EXT2: variants seen among roughly 807,000 people sequenced by gnomAD.
EXT2 encodes exostosin-2.
A neutral mutation model predicts 81.6 loss-of-function variants in EXT2; 53 were observed. The observed-to-expected ratio is 0.65, with a 90% CI of 0.52 to 0.82. EXT2 has a LOEUF of 0.82. Ranked by LOEUF, EXT2 falls within the 40% of genes least tolerant of loss-of-function variation. The pLI, the probability that EXT2 is intolerant of heterozygous loss-of-function variation, is 0.00. For missense variants in EXT2, 774 were observed against 910.2 expected (o/e 0.85, Z 1.93); for synonymous variants, 320 against 340.0 (o/e 0.94, Z 0.65).
Position 44,250,715 on chromosome 11 carries a change from C to G in EXT2, c.*6428C>G, listed in dbSNP as rs1406262602. ...GAGTCCAGAGAGCGTCCATCCGGTG[C>G]CTGGTGAGGGCCCTGCATGGCTGGC... On this transcript the variant is annotated 3_prime_UTR_variant, in exon 14 of 14. Coordinates refer to ENST00000533608, the MANE Select transcript of EXT2 (RefSeq NM_207122.2). 2.0e-5 allele frequency among the ~76,000 whole-genome samples: 3 copies of G among 152,154 alleles called. No individual in the cohort carries two copies. The East Asian group carries it at 5.8e-4, about 29-fold the overall frequency.
At chr11:44,119,496 C>T (rs1397692712) in intron 4 of EXT2, among the ~76,000 whole-genome samples, 1 of 152,168 alleles carries the variant, frequency 6.6e-6, no homozygotes, top group African/African-American at 2.4e-5. Context: ...GGGAGCTCGT[C>T]AGAGACTTAG....
intron 7 of EXT2, among the ~76,000 whole-genome samples, chr11:44,161,178 T>C (rs1954922688): frequency 6.6e-6 from 1 of 152,232 alleles, no homozygotes; most frequent in African/African-American, 2.4e-5. Context: ...ATAGGTGAGA[T>C]ATGTTAGCAG....
chr11:44,244,103 A>G (rs768398936), intron 13 of EXT2, 46 bp from the exon 14 acceptor site: 1 of 1,591,066 alleles, frequency 6.3e-7, no homozygotes, highest in South Asian at 1.1e-5. Context: ...CATCCTTCTC[A>G]TTCTGCTCAA....
intron 4 of EXT2, among the ~76,000 whole-genome samples, chr11:44,120,151 T>C (rs1488614256): frequency 6.6e-6 from 1 of 152,236 alleles, no homozygotes; most frequent in Non-Finnish European, 1.5e-5. Flanking sequence ...TACATCAATA[T>C]ATAATTAGTT....
At chr11:44,178,396 C>G (rs898889918) in intron 8 of EXT2, among the ~76,000 whole-genome samples, 1 of 152,158 alleles carries the variant, frequency 6.6e-6, no homozygotes. Context: ...TTCTCCTCAT[C>G]CATTTCCTCC....
At chr11:44,154,657 G>C (rs2135091209) in intron 7 of EXT2, among the ~76,000 whole-genome samples, 1 of 152,186 alleles carries the variant, frequency 6.6e-6, no homozygotes, top group Admixed American at 6.5e-5. Context: ...TATATACCTA[G>C]CATTGGGATT....
chr11:44,124,212 G>T (rs1035260866), intron 4 of EXT2, among the ~76,000 whole-genome samples: 1 of 152,022 alleles, frequency 6.6e-6, no homozygotes, highest in Non-Finnish European at 1.5e-5. Flanking sequence ...CCATTTATGT[G>T]GCCTTGATGA....
At chr11:44,219,725 G>A (rs1442980443) in intron 10 of EXT2, among the ~76,000 whole-genome samples, 2 of 152,112 alleles carry the variant, frequency 1.3e-5, no homozygotes, top group African/African-American at 4.8e-5. Context: ...TGCCATGGAT[G>A]GGTTCTAGGA....
At chr11:44,125,126 GGACATGTA>G in intron 5 of EXT2, 142 bp downstream of exon 5, 1 of 804,332 alleles carries the variant, frequency 1.2e-6, no homozygotes, top group East Asian at 2.7e-5. Context: ...GCTCTTTACT[GGACATGTA>G]GACCTTCAGG....
At chr11:44,235,481 G>A (rs1179180042) in intron 12 of EXT2, among the ~76,000 whole-genome samples, 3 of 151,816 alleles carry the variant, frequency 2.0e-5, no homozygotes, top group African/African-American at 7.3e-5. Flanking sequence ...CCTGAGCTCA[G>A]GCAGTCCACC....
chr11:44,124,899 A>G lies in EXT2; in HGVS notation c.854A>G (p.Lys285Arg). The G allele has an allele frequency of 6.2e-7, 1 of 1,614,010 alleles. No homozygotes were observed. The highest frequency in any genetic ancestry group is 8.5e-7 in the Non-Finnish European group (1 of 1,180,002). ...GGAGAGTCAGTGTTAGTACTCGATA[A>G]ATGCACCAACCTCTCAGAGGGTGTC... ...KHGESVLVLD[K>R]CTNLSEGVLS... The change falls in exon 5 of 14, where the codon AAA (lysine) becomes AGA (arginine). Residue 285 changes from lysine (K) to arginine (R), a missense_variant. Lys to Arg is a conservative substitution (Grantham distance 26). This residue lies in a region of EXT2 where 626 missense variants were observed against 670.5 expected (regional missense o/e 0.93). Coordinates refer to ENST00000533608, the MANE Select transcript of EXT2 (RefSeq NM_207122.2).
At chr11:44,194,034 G>T (rs931361147) in intron 8 of EXT2, among the ~76,000 whole-genome samples, 1 of 152,198 alleles carries the variant, frequency 6.6e-6, no homozygotes, top group Non-Finnish European at 1.5e-5. Context: ...AATCAGAGCT[G>T]CGATGCCTTT....
intron 7 of EXT2, among the ~76,000 whole-genome samples, chr11:44,162,098 A>G (rs1391072300): frequency 6.6e-6 from 1 of 152,202 alleles, no homozygotes; most frequent in Admixed American, 6.5e-5. Context: ...GAAAAAAAGT[A>G]TGTTGTTTAG....
At chr11:44,153,521 T>G (rs1954819946) in intron 7 of EXT2, among the ~76,000 whole-genome samples, 1 of 152,122 alleles carries the variant, frequency 6.6e-6, no homozygotes, top group Admixed American at 6.5e-5. Flanking sequence ...TTTTCTTGAC[T>G]TACTGCATTG....
intron 10 of EXT2, among the ~76,000 whole-genome samples, chr11:44,230,829 C>G (rs1955889865): frequency 6.6e-6 from 1 of 152,058 alleles, no homozygotes. Context: ...TAACAGCAAC[C>G]CTAGGAAACT....
chr11:44,231,842 A>G (rs1276527932), intron 10 of EXT2, among the ~76,000 whole-genome samples: 1 of 152,238 alleles, frequency 6.6e-6, no homozygotes, highest in Non-Finnish European at 1.5e-5. Context: ...TACAGATTAC[A>G]GAATCAGACA....
At chr11:44,155,331 G>A (rs1338740527) in intron 7 of EXT2, among the ~76,000 whole-genome samples, 1 of 151,972 alleles carries the variant, frequency 6.6e-6, no homozygotes, top group East Asian at 1.9e-4. Context: ...TTATTGATAA[G>A]TTAAGGACTT....
intron 4 of EXT2, among the ~76,000 whole-genome samples, chr11:44,122,779 C>T (rs1408788470): frequency 6.6e-6 from 1 of 152,216 alleles, no homozygotes; most frequent in Non-Finnish European, 1.5e-5. Flanking sequence ...GTAGAACTTT[C>T]TGCAGTAAGG....
chr11:44,201,091 G>A (rs1220435170), intron 9 of EXT2, among the ~76,000 whole-genome samples: 1 of 152,172 alleles, frequency 6.6e-6, no homozygotes, highest in Admixed American at 6.5e-5. Flanking sequence ...ATGAATGGAA[G>A]GTGACATTTC....
Sources: gnomAD v4.1 joint callset for allele counts (sites outside exome capture counted in the v4.1 genomes callset) on GRCh38, gnomAD v4.1.1 for gene constraint, gnomAD v4.1.1 regional missense constraint, MANE v1.5 for transcripts, NCBI Gene and HGNC (gene_info 2026-07-23, HGNC 2026-07-21) for gene names.